PCM1: variants seen among roughly 807,000 people sequenced by gnomAD.
PCM1 encodes pericentriolar material 1 protein.
In PCM1, 157 loss-of-function variants were observed where a neutral mutation model predicts 241.9. The observed-to-expected ratio is 0.65, with a 90% confidence interval of 0.57 to 0.74. The LOEUF (loss-of-function observed/expected upper bound fraction) is 0.74. PCM1 is among the 30% of genes least tolerant of loss of function. PCM1 has a pLI of 0.00. For synonymous variants in PCM1, 1,085 were observed against 784.9 expected, an observed-to-expected ratio of 1.38 and a Z score of -6.39; for missense variants, 3,478 against 2,360.1, an observed-to-expected ratio of 1.47 and a Z score of -9.81.
chr8:18,011,579 T>G (rs1430649709), intron 33 of PCM1, 88 bp from the exon 34 acceptor site: 3 of 1,249,848 alleles, frequency 2.4e-6, no homozygotes, highest in Non-Finnish European at 3.3e-6. Context: ...ATATAAAGCA[T>G]CTGTGCCATG....
chr8:17,925,095 C>G (rs1464494144), intron 2 of PCM1: 1 of 152,354 alleles, frequency 6.6e-6, no homozygotes, highest in East Asian at 1.9e-4. Flanking sequence ...TGGATAGCCT[C>G]TCTTTCCAAA....
intron 22 of PCM1, among the ~76,000 whole-genome samples, chr8:17,971,046 C>A (rs34781884): frequency 0.026 from 3,924 of 152,278 alleles, 81 homozygotes; most frequent in South Asian, 0.059. Flanking sequence ...CAAGAGCAAC[C>A]ATAGGCAATA....
At chr8:17,931,421 T>G (rs928488466) in intron 2 of PCM1, among the ~76,000 whole-genome samples, 1 of 152,070 alleles carries the variant, frequency 6.6e-6, no homozygotes, top group Non-Finnish European at 1.5e-5. Context: ...CCTGAGTAAC[T>G]AGGACTACAG....
intron 36 of PCM1, among the ~76,000 whole-genome samples, chr8:18,016,177 C>T (rs1397727765): frequency 2.0e-5 from 3 of 152,258 alleles, no homozygotes; most frequent in South Asian, 2.1e-4. Flanking sequence ...CGTGAGCCAC[C>T]GCACCCAGCT....
rs1336043108 is a variant in PCM1, at chr8:17,938,993, C to T, written c.596C>T (p.Ala199Val). 1 of 1,613,582 alleles carries T rather than the reference C, an allele frequency of 6.2e-7. No homozygotes were observed. The highest frequency in any genetic ancestry group is 8.5e-7 in the Non-Finnish European group (1 of 1,179,564). The part of the protein sequence containing the change: ...VSEEDGRGEP[A>V]MESSQIVSRL... Reference sequence around the variant, plus strand: ...GAAGAAGATGGGAGGGGAGAACCTGCAATGGAGAGCAGCCAGGTGATAACG... The same window carrying T: ...GAAGAAGATGGGAGGGGAGAACCTGTAATGGAGAGCAGCCAGGTGATAACG... Residue 199 changes from alanine (A) to valine (V), a missense_variant, in exon 5 of 39, where the codon GCA (alanine) becomes GTA (valine). Physicochemically the swap from Ala to Val is moderately conservative, Grantham distance 64. Coordinates refer to ENST00000325083, the MANE Select transcript of PCM1 (RefSeq NM_006197.4).
At position 18,027,700 on chromosome 8, in the gene PCM1, A is replaced by C; in HGVS notation, c.*38A>C. 6.9e-7 allele frequency: 1 copy of C among 1,458,064 alleles called. No homozygotes were observed. The highest frequency in any genetic ancestry group is 9.5e-7 in the Non-Finnish European group (1 of 1,048,830). The allele number at this position is 1,458,064 out of a possible 1,614,324, so 90.3% of individuals were successfully genotyped here. A position where few individuals can be genotyped will look rare whatever the true frequency, so the allele number is the denominator to read the frequency against. On this transcript the variant is annotated 3_prime_UTR_variant, in exon 39 of 39. Transcript: ENST00000325083. The stretch of plus-strand genomic sequence containing the variant: ...GGCTCATCTAACTCTGTCCTTACAT[A>C]CTCAATGCATATATGAAAACAATAC...
intron 23 of PCM1, among the ~76,000 whole-genome samples, chr8:17,979,622 A>T (rs895820834): frequency 6.6e-6 from 1 of 152,236 alleles, no homozygotes; most frequent in African/African-American, 2.4e-5. Flanking sequence ...GCTATAAAGT[A>T]TTTTTGAAGA....
At chr8:17,992,015 G>A (rs941920239) in intron 28 of PCM1, among the ~76,000 whole-genome samples, 1 of 152,116 alleles carries the variant, frequency 6.6e-6, no homozygotes, top group Non-Finnish European at 1.5e-5. Context: ...TACCCAGATG[G>A]CTGCAAATGC....
intron 31 of PCM1, among the ~76,000 whole-genome samples, chr8:18,010,099 C>T (rs908596841): frequency 1.3e-5 from 2 of 152,188 alleles, no homozygotes; most frequent in Admixed American, 6.5e-5. Flanking sequence ...GTAGATTCTT[C>T]GAGAATATGC....
At chr8:17,948,610 T>G (rs966325838) in intron 7 of PCM1, among the ~76,000 whole-genome samples, 2 of 152,134 alleles carry the variant, frequency 1.3e-5, no homozygotes, top group Admixed American at 6.5e-5. Context: ...GTCAATAACT[T>G]ACTCTTTTGT....
At chr8:17,992,563 G>A (rs985746313) in intron 28 of PCM1, among the ~76,000 whole-genome samples, 6 of 146,922 alleles carry the variant, frequency 4.1e-5, no homozygotes, top group African/African-American at 1.5e-4. Context: ...CCATTTGTGT[G>A]TCTTCTTTTG....
chr8:17,971,506 G>T (rs2076846410), intron 22 of PCM1, among the ~76,000 whole-genome samples: 1 of 152,204 alleles, frequency 6.6e-6, no homozygotes, highest in Non-Finnish European at 1.5e-5. Context: ...AGGGATGCTA[G>T]TGTTCAGCAG....
At chr8:18,026,362 A>G (rs1251784575) in intron 38 of PCM1, among the ~76,000 whole-genome samples, 2 of 142,314 alleles carry the variant, frequency 1.4e-5, no homozygotes, top group African/African-American at 2.6e-5. Context: ...GGTTCGCGCC[A>G]TTCTTCTGCC....
intron 7 of PCM1, among the ~76,000 whole-genome samples, chr8:17,948,374 G>A (rs181716856): frequency 1.3e-3 from 166 of 132,150 alleles, no homozygotes; most frequent in Non-Finnish European, 2.1e-3. Flanking sequence ...GCATGTTCTC[G>A]GCTCACTGCA....
At chr8:17,954,806 T>C (rs909790578) in intron 9 of PCM1, among the ~76,000 whole-genome samples, 1 of 152,232 alleles carries the variant, frequency 6.6e-6, no homozygotes, top group Admixed American at 6.5e-5. Flanking sequence ...AGAAGTTAAA[T>C]AGAAAGTAAT....
intron 18 of PCM1, 90 bp downstream of exon 18, chr8:17,964,858 A>T: frequency 3.3e-6 from 3 of 913,706 alleles, no homozygotes; most frequent in Non-Finnish European, 5.3e-6. Context: ...CTCCAAGCCA[A>T]CTGAATGTCC....
rs762327782 is a variant in PCM1, at chr8:18,009,704, A to G, written c.5120A>G (p.Lys1707Arg). The change falls in exon 31 of 39, where the codon AAA (lysine) becomes AGA (arginine). Residue 1707 changes from lysine (K) to arginine (R), a missense_variant. By Grantham distance (26) the Lys-to-Arg change is conservative (BLOSUM62 2). Transcript: ENST00000325083. ...ACTGTTAAACAGAGATGCAAAAGGAAAATAGAAGCAACTGGAGTGATACAA... is the reference window on the plus strand; with the variant it reads ...ACTGTTAAACAGAGATGCAAAAGGAGAATAGAAGCAACTGGAGTGATACAA... Reference protein sequence around the residue: ...SITVKQRCKRKIEATGVIQSC... With the variant: ...SITVKQRCKRRIEATGVIQSC... The G allele has an allele frequency of 6.6e-7, 1 of 1,511,800 alleles. No homozygotes were observed. Among genetic ancestry groups the G allele is most frequent in the South Asian group, 1.4e-5 (1 of 70,620 alleles). The allele number at this position is 1,511,800 out of a possible 1,614,324, so 93.6% of individuals were successfully genotyped here.
chr8:18,017,254 T>TTAAA (rs1160034435), intron 36 of PCM1, among the ~76,000 whole-genome samples: 1 of 152,256 alleles, frequency 6.6e-6, no homozygotes, highest in Non-Finnish European at 1.5e-5. Context: ...ATCTCATTTG[T>TTAAA]TAAACATTCT....
intron 24 of PCM1, among the ~76,000 whole-genome samples, chr8:17,982,082 T>A (rs1242643664): frequency 6.6e-6 from 1 of 152,158 alleles, no homozygotes; most frequent in Non-Finnish European, 1.5e-5. Flanking sequence ...AAAAGAAACA[T>A]CACATTTGTT....
Sources: gnomAD v4.1 joint callset for allele counts (sites outside exome capture counted in the v4.1 genomes callset) on GRCh38, gnomAD v4.1.1 for gene constraint, MANE v1.5 for transcripts, NCBI Gene and HGNC (gene_info 2026-07-23, HGNC 2026-07-21) for gene names.